Variants in SSH1 observed in about 807,000 individuals in gnomAD.
SSH1 encodes the protein protein phosphatase Slingshot homolog 1.
Under a neutral mutation model 79.7 loss-of-function variants are expected in SSH1, and 43 were observed. That is an observed-to-expected ratio of 0.54 (90% CI 0.42 to 0.70). The LOEUF (loss-of-function observed/expected upper bound fraction) is 0.70. Among genes scored for constraint, SSH1 ranks in the 30% least tolerant of loss-of-function variants. The probability of loss-of-function intolerance (pLI) is 0.00; values close to 1 mark genes in which losing one functional copy is unlikely to be tolerated. For missense variants in SSH1, 1,206 were observed against 1,358.8 expected, an observed-to-expected ratio of 0.89 and a Z score of 1.77; for synonymous variants, 599 against 538.3, an observed-to-expected ratio of 1.11 and a Z score of -1.56.
At position 108,836,277 on chromosome 12, in the gene SSH1, G is replaced by A. The variant is rs866069265; in HGVS notation, c.111-12916C>T. Among the ~76,000 whole-genome samples, 20 of 152,130 alleles carry A rather than the reference G, an allele frequency of 1.3e-4. No homozygotes were observed. In the Middle Eastern group the frequency reaches 0.01, roughly 78 times the overall value. Reference sequence around the variant, plus strand: ...TAGATGCACGTGTGTGTGTATGCACGTACATACAAATGTTCCCTAATTCTG... The same window carrying A: ...TAGATGCACGTGTGTGTGTATGCACATACATACAAATGTTCCCTAATTCTG... On this transcript the variant is annotated intron_variant, in intron 2 of 14. Coordinates refer to ENST00000326495, the MANE Select transcript of SSH1 (RefSeq NM_018984.4).
At chr12:108,822,469 C>T (rs1214128190) in intron 3 of SSH1, among the ~76,000 whole-genome samples, 2 of 147,326 alleles carry the variant, frequency 1.4e-5, no homozygotes, top group Non-Finnish European at 3.0e-5. Context: ...TTTTAAGAAA[C>T]AGAGTCTCTC....
rs569192601 is a variant in SSH1, at chr12:108,847,512, G to C, written c.110+5126C>G. Among the ~76,000 whole-genome samples the C allele has an allele frequency of 2.6e-3, 403 of 152,282 alleles. 2 individuals are homozygous for C. Among genetic ancestry groups the C allele is most frequent in the Non-Finnish European group, 3.1e-3 (213 of 68,022 alleles). On this transcript the variant is annotated intron_variant, in intron 2 of 14. Transcript: ENST00000326495. ...AGAGTCTCGCTCTGTTGCCCAGGCT[G>C]GAGTGCAGTGACGCAAACTCGGCTC...
At chr12:108,801,295 T>C (rs1214823332) in intron 11 of SSH1, among the ~76,000 whole-genome samples, 1 of 152,232 alleles carries the variant, frequency 6.6e-6, no homozygotes, top group Non-Finnish European at 1.5e-5. Flanking sequence ...CTTAAAGAGC[T>C]AAAAAGCAGA....
At chr12:108,828,024 G>T (rs1423061207) in intron 2 of SSH1, among the ~76,000 whole-genome samples, 2 of 152,164 alleles carry the variant, frequency 1.3e-5, no homozygotes, top group African/African-American at 4.8e-5. Flanking sequence ...AACCCTCCAG[G>T]CACAAGCCAG....
intron 2 of SSH1, among the ~76,000 whole-genome samples, chr12:108,839,058 T>C (rs1023099801): frequency 2.0e-5 from 3 of 152,336 alleles, no homozygotes; most frequent in African/African-American, 7.2e-5. Context: ...CTACTGTAGA[T>C]ACAACACACA....
chr12:108,796,836 G>C (rs571932035), intron 13 of SSH1, among the ~76,000 whole-genome samples: 1 of 151,626 alleles, frequency 6.6e-6, no homozygotes, highest in East Asian at 1.9e-4. Context: ...TCCACCTCCC[G>C]GGTTCAAGCA....
intron 14 of SSH1, chr12:108,792,068 A>T (rs1293551576): frequency 6.9e-7 from 1 of 1,448,340 alleles, no homozygotes; most frequent in Admixed American, 2.8e-5. Context: ...AATTTGCTAT[A>T]TAAGGTATGC....
At chr12:108,847,865 C>T (rs1213263488) in intron 2 of SSH1, among the ~76,000 whole-genome samples, 1 of 152,148 alleles carries the variant, frequency 6.6e-6, no homozygotes, top group African/African-American at 2.4e-5. Context: ...CATTGTAAGG[C>T]GGGTGTGGCA....
chr12:108,839,053 G>A (rs1466461925), intron 2 of SSH1, among the ~76,000 whole-genome samples: 1 of 152,134 alleles, frequency 6.6e-6, no homozygotes, highest in Non-Finnish European at 1.5e-5. Context: ...GGGCACTACT[G>A]TAGATACAAC....
chr12:108,797,275 C>T (rs745826318), intron 13 of SSH1, among the ~76,000 whole-genome samples: 111 of 151,930 alleles, frequency 7.3e-4, no homozygotes, highest in Admixed American at 2.0e-3. Flanking sequence ...CACTGGTGCA[C>T]GCCACCACGC....
At chr12:108,856,902 A>G (rs2039155410) in intron 1 of SSH1, among the ~76,000 whole-genome samples, 1 of 152,226 alleles carries the variant, frequency 6.6e-6, no homozygotes, top group African/African-American at 2.4e-5. Context: ...GTCACACTGC[A>G]GAGTCACTCA....
At chr12:108,827,768 CTT>C (rs1411870546) in intron 2 of SSH1, among the ~76,000 whole-genome samples, 2 of 152,220 alleles carry the variant, frequency 1.3e-5, no homozygotes, top group South Asian at 2.1e-4. Flanking sequence ...AAGGATGACT[CTT>C]TCTTTCAAAT....
chr12:108,822,285 C>T (rs566479876), intron 3 of SSH1, among the ~76,000 whole-genome samples: 12 of 150,724 alleles, frequency 8.0e-5, no homozygotes, highest in Non-Finnish European at 1.6e-4. Flanking sequence ...AGGCATGCGC[C>T]ACCACGCCCA....
intron 14 of SSH1, among the ~76,000 whole-genome samples, chr12:108,790,100 C>T (rs1412685037): frequency 6.6e-6 from 1 of 152,024 alleles, no homozygotes; most frequent in African/African-American, 2.4e-5. Flanking sequence ...CTGTAGACCA[C>T]AGCCAGAGGG....
At position 108,807,418 on chromosome 12, in the gene SSH1, A is replaced by ATTT. The variant is rs35206418; in HGVS notation, c.731+212_731+214dup. Among the ~76,000 whole-genome samples, 38 of 143,424 alleles carry ATTT rather than the reference A, an allele frequency of 2.6e-4. No individual in the cohort carries two copies. The highest frequency in any genetic ancestry group is 2.3e-4 in the Non-Finnish European group (15 of 65,538). 94.1% of individuals were successfully genotyped at this position (143,424 alleles called of 152,430 possible). ...AATGCATTCACCAAATTCATCAGTA[A>ATTT]TTTTTTTTTTTTTTTTCTTTTTTTT... On this transcript the variant is annotated intron_variant, in intron 8 of 14. Transcript: ENST00000326495. The surrounding 1 kb of genome is among the most constrained non-coding windows in gnomAD (Gnocchi z 5.2).
chr12:108,813,216 G>A (rs933543214), intron 5 of SSH1, among the ~76,000 whole-genome samples: 1 of 152,152 alleles, frequency 6.6e-6, no homozygotes, highest in Non-Finnish European at 1.5e-5. Context: ...AAGTGGGTGG[G>A]AGCAATTGCA....
chr12:108,789,147 G>C lies in SSH1; in HGVS notation c.1991C>G (p.Ser664Cys). 1.2e-6 allele frequency: 2 copies of C among 1,613,302 alleles called. No individual in the cohort carries two copies. Among genetic ancestry groups the C allele is most frequent in the Non-Finnish European group, 1.7e-6 (2 of 1,179,606 alleles). The change falls in exon 15 of 15, where the codon TCC (serine) becomes TGC (cysteine). Residue 664 changes from serine (S) to cysteine (C), a missense_variant. By Grantham distance (112) the Ser-to-Cys change is moderately radical. This residue lies in a region of SSH1 where 709 missense variants were observed against 730.6 expected (regional missense o/e 0.97). Coordinates refer to ENST00000326495, the MANE Select transcript of SSH1 (RefSeq NM_018984.4). ...ATTGGGGTCCTCACATCGCTCCCTGGAGGCCTCAGGAGCCCCGCTGGCTGT... is the reference window on the plus strand; with the variant it reads ...ATTGGGGTCCTCACATCGCTCCCTGCAGGCCTCAGGAGCCCCGCTGGCTGT... The part of the protein sequence containing the change: ...YPTASGAPEA[S>C]RERCEDPNAP...
intron 2 of SSH1, among the ~76,000 whole-genome samples, chr12:108,829,165 T>C (rs757357387): frequency 1.4e-4 from 22 of 152,062 alleles, no homozygotes; most frequent in Non-Finnish European, 2.4e-4. Context: ...CTGTCTCTAC[T>C]AAAAATACAA....
chr12:108,798,100 C>T (rs1226721910), intron 13 of SSH1, among the ~76,000 whole-genome samples: 1 of 152,238 alleles, frequency 6.6e-6, no homozygotes, highest in Non-Finnish European at 1.5e-5. Context: ...GCCGGTTCCT[C>T]CACTCGCTCA....
Sources: gnomAD v4.1 joint callset for allele counts (sites outside exome capture counted in the v4.1 genomes callset) on GRCh38, gnomAD v4.1.1 for gene constraint, gnomAD v4.1.1 regional missense constraint, Gnocchi (gnomAD v3.1) non-coding constraint, MANE v1.5 for transcripts, NCBI Gene and HGNC (gene_info 2026-07-23, HGNC 2026-07-21) for gene names.